CACNA2D3: variants seen among roughly 807,000 people sequenced by gnomAD.
The protein encoded by CACNA2D3 is calcium voltage-gated channel auxiliary subunit alpha2delta 3.
In CACNA2D3, 60 loss-of-function variants were observed where a neutral mutation model predicts 160.6. The observed-to-expected ratio is 0.37, with a 90% CI of 0.30 to 0.46. The LOEUF (loss-of-function observed/expected upper bound fraction) is 0.46, where lower values mean the gene tolerates loss of function less well. CACNA2D3 is among the 20% of genes least tolerant of loss of function. The pLI, the probability that CACNA2D3 is intolerant of heterozygous loss-of-function variation, is 1.00. For synonymous variants in CACNA2D3, 558 were observed against 492.9 expected (o/e 1.13, Z -1.75); for missense variants, 1,205 against 1,365.0 (o/e 0.88, Z 1.85).
intron 2 of CACNA2D3, among the ~76,000 whole-genome samples, chr3:54,191,340 A>G (rs1418433004): frequency 6.6e-6 from 1 of 152,088 alleles, no homozygotes; most frequent in Admixed American, 6.5e-5. Context: ...TAAAATGAGT[A>G]TTTTTCTGCC....
chr3:54,925,179 A>T, intron 27 of CACNA2D3: 1 of 1,613,974 alleles, frequency 6.2e-7, no homozygotes, highest in Non-Finnish European at 8.5e-7. Context: ...TACCACCTGG[A>T]GCAGGACAAT....
intron 2 of CACNA2D3, among the ~76,000 whole-genome samples, chr3:54,247,037 C>T (rs1012362350): frequency 3.9e-5 from 6 of 152,066 alleles, no homozygotes; most frequent in East Asian, 3.9e-4. Flanking sequence ...TACTCCGGGG[C>T]GTGGTGGTTC....
chr3:54,962,237 C>T (rs1702047717), intron 27 of CACNA2D3, among the ~76,000 whole-genome samples: 1 of 152,084 alleles, frequency 6.6e-6, no homozygotes, highest in Admixed American at 6.5e-5. Flanking sequence ...AATGGTGGAG[C>T]ACACCTTTCC....
intron 9 of CACNA2D3, among the ~76,000 whole-genome samples, chr3:54,590,840 T>C (rs1253272653): frequency 6.6e-6 from 1 of 152,174 alleles, no homozygotes; most frequent in African/African-American, 2.4e-5. Flanking sequence ...GAGAAATTCT[T>C]GAAGAGAAGC....
At chr3:54,201,858 C>A (rs1576995250) in intron 2 of CACNA2D3, among the ~76,000 whole-genome samples, 1 of 152,152 alleles carries the variant, frequency 6.6e-6, no homozygotes, top group East Asian at 1.9e-4. Flanking sequence ...CAATTCCTGA[C>A]CCCTTGACCA....
intron 2 of CACNA2D3, among the ~76,000 whole-genome samples, chr3:54,195,687 G>A (rs1395920205): frequency 6.6e-6 from 1 of 152,170 alleles, no homozygotes; most frequent in Non-Finnish European, 1.5e-5. Context: ...GATGGTGATG[G>A]TGGCAACATT....
At chr3:54,615,615 T>G (rs1256384157) in intron 9 of CACNA2D3, among the ~76,000 whole-genome samples, 1 of 152,220 alleles carries the variant, frequency 6.6e-6, no homozygotes, top group African/African-American at 2.4e-5. Context: ...AAGTGAAACG[T>G]GGTTTGTTTT....
chr3:54,982,341 A>G (rs1014107296), intron 29 of CACNA2D3, among the ~76,000 whole-genome samples: 58 of 152,146 alleles, frequency 3.8e-4, no homozygotes, highest in Admixed American at 1.3e-4. Context: ...GCCTTTCATT[A>G]ATAGGAGCCT....
intron 5 of CACNA2D3, among the ~76,000 whole-genome samples, chr3:54,556,731 G>A (rs1311637199): frequency 6.6e-6 from 1 of 152,146 alleles, no homozygotes; most frequent in African/African-American, 2.4e-5. Context: ...AAAATGGTTT[G>A]CCTGCTACTC....
intron 4 of CACNA2D3, among the ~76,000 whole-genome samples, chr3:54,487,908 CCAT>C (rs1701042371): frequency 6.6e-6 from 1 of 152,152 alleles, no homozygotes; most frequent in Admixed American, 6.5e-5. Context: ...CAGAACATGC[CCAT>C]CATCATACAA....
intron 2 of CACNA2D3, among the ~76,000 whole-genome samples, chr3:54,146,374 G>C (rs2107274808): frequency 6.6e-6 from 1 of 152,344 alleles, no homozygotes; most frequent in East Asian, 1.9e-4. Flanking sequence ...TACATCCACG[G>C]ATAGTGGGGA....
intron 2 of CACNA2D3, among the ~76,000 whole-genome samples, chr3:54,288,860 C>T (rs769300060): frequency 2.0e-5 from 3 of 152,100 alleles, no homozygotes; most frequent in Non-Finnish European, 4.4e-5. Flanking sequence ...AGGCCTTTGA[C>T]AAAATTCAAC....
rs1393644919 is a variant in CACNA2D3, at chr3:54,840,406, T to C, written c.1551+1758T>C. 3.3e-5 allele frequency among the ~76,000 whole-genome samples: 3 copies of C among 91,984 alleles called. No individual in the cohort carries two copies. In the East Asian group the frequency reaches 9.2e-4, roughly 28 times the overall value. The allele number at this position is 91,984 out of a possible 152,430, so 60.3% of individuals were successfully genotyped here. A position where few individuals can be genotyped will look rare whatever the true frequency, so the allele number is the denominator to read the frequency against. On this transcript the variant is annotated intron_variant, in intron 16 of 37. Coordinates refer to ENST00000474759, the MANE Select transcript of CACNA2D3 (RefSeq NM_018398.3). The stretch of plus-strand genomic sequence containing the variant: ...CTTGCAAGCAGGAGAACCATGTCTT[T>C]TTTTTTTTTTTTTTTTTTTTTTGAG...
intron 4 of CACNA2D3, among the ~76,000 whole-genome samples, chr3:54,462,423 T>C (rs1372270865): frequency 6.6e-6 from 1 of 152,172 alleles, no homozygotes; most frequent in Admixed American, 6.5e-5. Context: ...TCTCTTTGTA[T>C]GTCACTCAGG....
chr3:54,705,121 T>C (rs1461283546), intron 11 of CACNA2D3, among the ~76,000 whole-genome samples: 1 of 152,204 alleles, frequency 6.6e-6, no homozygotes, highest in African/African-American at 2.4e-5. Context: ...TTCATTGTTT[T>C]TAATTTGTGA....
At chr3:54,890,445 G>A (rs946101193) in intron 24 of CACNA2D3, among the ~76,000 whole-genome samples, 13 of 141,266 alleles carry the variant, frequency 9.2e-5, no homozygotes, top group African/African-American at 2.4e-4. Context: ...GCAGTGAGCC[G>A]AGATAGCGCC....
At chr3:54,290,152 C>G (rs1440814324) in intron 2 of CACNA2D3, among the ~76,000 whole-genome samples, 4 of 152,196 alleles carry the variant, frequency 2.6e-5, no homozygotes, top group East Asian at 1.9e-4. Context: ...TTTTCGCAAC[C>G]TACTTATCTG....
chr3:54,571,105 C>G (rs550934040), intron 8 of CACNA2D3, among the ~76,000 whole-genome samples: 1 of 151,996 alleles, frequency 6.6e-6, no homozygotes, highest in African/African-American at 2.4e-5. Flanking sequence ...GCAGGGGCTT[C>G]CAGCTTATAG....
chr3:54,910,228 A>G (rs1221201187), intron 27 of CACNA2D3, among the ~76,000 whole-genome samples: 1 of 152,320 alleles, frequency 6.6e-6, no homozygotes, highest in East Asian at 1.9e-4. Flanking sequence ...AACATCGTGT[A>G]TGGTCATAGT....
Sources: gnomAD v4.1 joint callset for allele counts (sites outside exome capture counted in the v4.1 genomes callset) on GRCh38, gnomAD v4.1.1 for gene constraint, MANE v1.5 for transcripts, NCBI Gene and HGNC (gene_info 2026-07-23, HGNC 2026-07-21) for gene names.